GRM7: variants seen among roughly 807,000 people sequenced by gnomAD.
GRM7 encodes glutamate metabotropic receptor 7, also known as metabotropic glutamate receptor 7.
A neutral mutation model predicts 84.5 loss-of-function variants in GRM7; 35 were observed. The ratio of observed to expected loss-of-function variants is 0.41; its 90% CI spans 0.32 to 0.55. The LOEUF (loss-of-function observed/expected upper bound fraction) is 0.55, where lower values mean the gene tolerates loss of function less well. GRM7 is among the 20% of genes least tolerant of loss of function. GRM7 has a pLI of 0.19. For missense variants in GRM7, 1,003 were observed against 1,194.6 expected (o/e 0.84, Z 2.36); for synonymous variants, 487 against 455.1 (o/e 1.07, Z -0.89).
At chr3:7,228,157 G>T (rs1190233785) in intron 2 of GRM7, among the ~76,000 whole-genome samples, 1 of 152,118 alleles carries the variant, frequency 6.6e-6, no homozygotes, top group African/African-American at 2.4e-5. Context: ...CTGTGGGTAA[G>T]GTGACCCCAA....
At chr3:7,541,915 C>A (rs779741) in intron 7 of GRM7, among the ~76,000 whole-genome samples, 90,447 of 151,974 alleles carry the variant, frequency 0.6, 27,107 homozygotes, top group African/African-American at 0.66. Context: ...CAGAAACTCA[C>A]GGTAGAAATC....
intron 1 of GRM7, among the ~76,000 whole-genome samples, chr3:7,084,463 GAT>G (rs1407159861): frequency 6.6e-6 from 1 of 152,124 alleles, no homozygotes; most frequent in Non-Finnish European, 1.5e-5. Flanking sequence ...TCATATTAGG[GAT>G]ATATGTTGAA....
chr3:7,026,136 G>A (rs2124919952), intron 1 of GRM7, among the ~76,000 whole-genome samples: 1 of 152,294 alleles, frequency 6.6e-6, no homozygotes, highest in African/African-American at 2.4e-5. Flanking sequence ...TTGAGAGTAT[G>A]TTGGGACCTG....
intron 1 of GRM7, among the ~76,000 whole-genome samples, chr3:7,080,593 GTTCTA>G (rs1698244528): frequency 6.6e-6 from 1 of 151,796 alleles, no homozygotes; most frequent in Admixed American, 6.6e-5. Context: ...TTCTAGGACT[GTTCTA>G]TTCTAAGCTT....
chr3:7,488,930 A>G (rs1340863946), intron 7 of GRM7, among the ~76,000 whole-genome samples: 1 of 151,816 alleles, frequency 6.6e-6, no homozygotes, highest in African/African-American at 2.4e-5. Context: ...ATCAAATGAC[A>G]CTTTTTACAT....
intron 2 of GRM7, among the ~76,000 whole-genome samples, chr3:7,148,788 G>A (rs6796207): frequency 0.36 from 54,649 of 151,982 alleles, 10,287 homozygotes; most frequent in African/African-American, 0.47. Context: ...TAAGGATTCC[G>A]TCAGTGGCAG....
chr3:7,262,842 C>T (rs1191851666), intron 2 of GRM7, among the ~76,000 whole-genome samples: 1 of 152,208 alleles, frequency 6.6e-6, no homozygotes, highest in African/African-American at 2.4e-5. Context: ...GGACTACAGG[C>T]ATGTGCCACT....
intron 4 of GRM7, among the ~76,000 whole-genome samples, chr3:7,412,383 G>C (rs1000047513): frequency 1.6e-4 from 24 of 152,200 alleles, no homozygotes; most frequent in African/African-American, 5.5e-4. Context: ...GCAGACAGCT[G>C]TGTCCTCTGA....
intron 7 of GRM7, among the ~76,000 whole-genome samples, chr3:7,558,443 G>A (rs985921670): frequency 3.3e-5 from 5 of 152,028 alleles, no homozygotes; most frequent in African/African-American, 9.7e-5. Flanking sequence ...AAGAAAAGAC[G>A]GGCCTGTAGA....
chr3:7,473,484 G>A (rs111357256), intron 7 of GRM7, among the ~76,000 whole-genome samples: 3 of 96,880 alleles, frequency 3.1e-5, no homozygotes, highest in African/African-American at 1.3e-4. Flanking sequence ...TCTTAAAAAC[G>A]AGAGGGAGAG....
intron 1 of GRM7, among the ~76,000 whole-genome samples, chr3:6,902,356 C>T (rs1696418431): frequency 6.6e-6 from 1 of 152,078 alleles, no homozygotes; most frequent in Non-Finnish European, 1.5e-5. Context: ...TTTTAGGCAA[C>T]CACAATGTCT....
intron 8 of GRM7, among the ~76,000 whole-genome samples, chr3:7,651,271 T>A (rs2125114430): frequency 6.6e-6 from 1 of 152,234 alleles, no homozygotes; most frequent in South Asian, 2.1e-4. Flanking sequence ...TTGCTTTTGA[T>A]CCTCCTTGGG....
chr3:7,510,569 G>A (rs1179824500), intron 7 of GRM7, among the ~76,000 whole-genome samples: 6 of 151,998 alleles, frequency 3.9e-5, no homozygotes, highest in African/African-American at 9.7e-5. Context: ...GTCAGTCTTC[G>A]GTGGCAGGCA....
At chr3:7,209,427 C>A (rs530219308) in intron 2 of GRM7, among the ~76,000 whole-genome samples, 1 of 152,144 alleles carries the variant, frequency 6.6e-6, no homozygotes, top group African/African-American at 2.4e-5. Flanking sequence ...TGAATAAGGA[C>A]ATAAGAGAAG....
intron 2 of GRM7, among the ~76,000 whole-genome samples, chr3:7,160,874 C>G (rs73124119): frequency 0.016 from 2,433 of 152,108 alleles, 62 homozygotes; most frequent in African/African-American, 0.056. Flanking sequence ...TGATTGCAAA[C>G]TTGCTAAAGG....
intron 4 of GRM7, among the ~76,000 whole-genome samples, chr3:7,326,833 CAA>C (rs369799542): frequency 1.0e-4 from 11 of 109,896 alleles, no homozygotes; most frequent in Non-Finnish European, 1.1e-4. Flanking sequence ...AACTCCGTCT[CAA>C]AAAAAAAAAA....
chr3:7,618,514 T>C (rs1474010868), intron 8 of GRM7, among the ~76,000 whole-genome samples: 1 of 152,160 alleles, frequency 6.6e-6, no homozygotes, highest in Non-Finnish European at 1.5e-5. Flanking sequence ...TTGGGTTTTT[T>C]TAATTATTGT....
chr3:7,629,570 A>G (rs1697775659), intron 8 of GRM7, among the ~76,000 whole-genome samples: 1 of 152,150 alleles, frequency 6.6e-6, no homozygotes, highest in East Asian at 1.9e-4. Context: ...TATAGGCTCT[A>G]TGTTCAAATA....
At chr3:7,196,499 G>A (rs1695884564) in intron 2 of GRM7, among the ~76,000 whole-genome samples, 1 of 152,034 alleles carries the variant, frequency 6.6e-6, no homozygotes, top group South Asian at 2.1e-4. Flanking sequence ...TCAAAGACAG[G>A]GACCGTCTTT....
Sources: allele counts gnomAD v4.1 joint callset (sites outside exome capture counted in the v4.1 genomes callset), GRCh38; gene constraint gnomAD v4.1.1; transcripts MANE v1.5; gene names NCBI Gene and HGNC (gene_info 2026-07-23, HGNC 2026-07-21).